Variants in CBR1 observed in about 807,000 individuals in gnomAD.
The protein encoded by CBR1 is carbonyl reductase 1, also known as carbonyl reductase [NADPH] 1.
Under a neutral mutation model 10.6 loss-of-function variants are expected in CBR1, and 11 were observed. The ratio of observed to expected loss-of-function variants is 1.03; its 90% confidence interval spans 0.65 to 1.71. The LOEUF is 1.71. Ranked by LOEUF, CBR1 falls within the 40% of genes most tolerant of loss-of-function variation. The pLI is 0.00. For synonymous variants in CBR1, 158 were observed against 156.7 expected (o/e 1.01, Z -0.06); for missense variants, 361 against 368.6 (o/e 0.98, Z 0.17).
Position 36,071,887 on chromosome 21 carries a change from G to T in CBR1, c.398-559G>T, listed in dbSNP as rs922988557. The T allele has an allele frequency of 3.3e-6, 5 of 1,536,054 alleles. No individual in the cohort carries two copies. The African/African-American group carries it at 6.8e-5, about 21-fold the overall frequency. ...GGAGGAAAGTCCAAGCCCTTAGCAT[G>T]GTTCACAGAGATGTCCATAATCTGC... On this transcript the variant is annotated intron_variant, in intron 2 of 2. Coordinates refer to ENST00000290349, the MANE Select transcript of CBR1 (RefSeq NM_001757.4).
In CBR1 at chr21:36,070,449, TG is replaced by T. The variant is rs774277249; in HGVS notation, c.289+49del. ...CCTCCCCGAAGAAGAACCGATGCAC[TG>T]GGGCTCCTGGCGTCTGCGGGGTCCA... On this transcript the variant is annotated intron_variant, in intron 1 of 2. Transcript: ENST00000290349. 4 of 1,530,546 alleles carry T rather than the reference TG, an allele frequency of 2.6e-6. No homozygotes were observed. The South Asian group carries it at 3.8e-5, about 14-fold the overall frequency. 94.8% of individuals were successfully genotyped at this position (1,530,546 alleles called of 1,614,324 possible).
chr21:36,072,524 G>T lies in CBR1; in HGVS notation c.476G>T (p.Arg159Leu), dbSNP rs146559297. The change falls in exon 3 of 3, where the codon CGC (arginine) becomes CTC (leucine). Residue 159 changes from arginine (R) to leucine (L), a missense_variant. Physicochemically the swap from Arg to Leu is moderately radical, Grantham distance 102 (BLOSUM62 -2). Transcript: ENST00000290349. Reference sequence around the variant, plus strand: ...AGCCCAGAGCTGCAGCAGAAGTTCCGCAGTGAGACCATCACTGAGGAGGAG... The same window carrying T: ...AGCCCAGAGCTGCAGCAGAAGTTCCTCAGTGAGACCATCACTGAGGAGGAG... ...SCSPELQQKF[R>L]SETITEEELV... The T allele has an allele frequency of 1.5e-5, 24 of 1,605,372 alleles. No homozygotes were observed. The East Asian group carries it at 5.1e-4, about 34-fold the overall frequency.
intron 2 of CBR1, chr21:36,071,710 G>C (rs764695258): frequency 2.8e-6 from 2 of 722,032 alleles, no homozygotes; most frequent in Non-Finnish European, 4.7e-6. Flanking sequence ...TCCTGAATCC[G>C]TCTCATTGCA....
At chr21:36,072,074 C>T (rs2065355576) in intron 2 of CBR1, 4 of 1,487,674 alleles carry the variant, frequency 2.7e-6, no homozygotes, top group Admixed American at 2.3e-5. Flanking sequence ...TAAGCAGCCA[C>T]TTTTAGAAAA....
Position 36,070,194 on chromosome 21 carries a change from C to T in CBR1, c.79C>T (p.Arg27Trp). The T allele has an allele frequency of 6.2e-7, 1 of 1,605,514 alleles. No individual in the cohort carries two copies. ...IGLAIVRDLC[R>W]LFSGDVVLTA... is the part of the protein sequence containing the mutation. ...CTTGGCCATCGTGCGCGACCTGTGC[C>T]GGCTGTTCTCGGGGGACGTGGTGCT... Residue 27 changes from arginine (R) to tryptophan (W), a missense_variant, in exon 1 of 3, where the codon CGG becomes TGG. Coordinates refer to ENST00000290349, the MANE Select transcript of CBR1 (RefSeq NM_001757.4).
At position 36,072,766 on chromosome 21, in the gene CBR1, G is replaced by T. The variant is rs1203728473; in HGVS notation, c.718G>T (p.Ala240Ser). ...GAGAACTGACATGGCGGGACCCAAG[G>T]CCACCAAGAGCCCAGAAGAAGGTGC... ...WVRTDMAGPK[A>S]TKSPEEGAET... is the part of the protein sequence containing the mutation. Residue 240 changes from alanine (A) to serine (S), a missense_variant, in exon 3 of 3, where the codon GCC becomes TCC. Physicochemically the swap from Ala to Ser is moderately conservative, Grantham distance 99. Transcript: ENST00000290349. The T allele has an allele frequency of 1.2e-6, 2 of 1,613,958 alleles. No individual in the cohort carries two copies. Among genetic ancestry groups the T allele is most frequent in the Non-Finnish European group, 1.7e-6 (2 of 1,180,028 alleles).
intron 1 of CBR1, 32 bp from the exon 2 acceptor site, chr21:36,070,918 G>A (rs753541598): frequency 9.5e-7 from 1 of 1,055,734 alleles, no homozygotes; most frequent in South Asian, 1.2e-5. Context: ...TGGGTACAAT[G>A]TATTAACTAT....
intron 1 of CBR1, 63 bp from the exon 2 acceptor site, chr21:36,070,879 TTAGTATCA>T: frequency 1.1e-6 from 1 of 903,896 alleles, no homozygotes; most frequent in South Asian, 1.7e-5. Context: ...TTTTTTTTTT[TTAGTATCA>T]TTGTATAGAA....
intron 2 of CBR1, chr21:36,071,810 C>T (rs1310086601): frequency 3.9e-6 from 6 of 1,531,914 alleles, no homozygotes; most frequent in Non-Finnish European, 5.2e-6. Context: ...CTTTTCCTTT[C>T]CCAGCATCCT....
rs1305498936 is a variant in CBR1 at position 36,070,358 on chromosome 21, C to G, written c.243C>G (p.Tyr81Ter). The G allele has an allele frequency of 1.9e-6, 3 of 1,612,640 alleles. No homozygotes were observed. In the African/African-American group the frequency reaches 4.0e-5, roughly 22 times the overall value. The change falls in exon 1 of 3, where the codon TAC becomes TAG. Residue 81 changes from tyrosine to a stop codon, truncating the protein, a stop_gained. Transcript: ENST00000290349. LOFTEE classifies it high-confidence loss of function. ...RALRDFLRKE[Y>*]GGLDVLVNNA... ...TGCGCGACTTCCTGCGCAAGGAGTA[C>G]GGGGGCCTGGACGTGCTGGTCAACA...
At chr21:36,071,746 C>A in intron 2 of CBR1, 2 of 1,093,206 alleles carry the variant, frequency 1.8e-6, no homozygotes, top group Admixed American at 2.0e-5. Flanking sequence ...CTCACCTGTC[C>A]CTCTGGACAA....
intron 1 of CBR1, among the ~76,000 whole-genome samples, chr21:36,070,730 C>A (rs1226469587): frequency 2.0e-5 from 3 of 152,060 alleles, no homozygotes; most frequent in Non-Finnish European, 4.4e-5. Context: ...TGTGTGCACC[C>A]TTCATCCTCC....
In CBR1 at chr21:36,070,092, G is replaced by C. The variant is rs1189153448; in HGVS notation, c.-24G>C. The C allele has an allele frequency of 1.4e-6, 2 of 1,479,526 alleles. No homozygotes were observed. The highest frequency in any genetic ancestry group is 9.0e-7 in the Non-Finnish European group (1 of 1,111,158). 91.6% of individuals were successfully genotyped at this position (1,479,526 alleles called of 1,614,324 possible). A position where few individuals can be genotyped will look rare whatever the true frequency, so the allele number is the denominator to read the frequency against. ...TGAGCCAGGTCTGTTCTCCACGCAGGTGTTCCGCGCGCCCCGTTCAGCCAT... is the reference window on the plus strand; with the variant it reads ...TGAGCCAGGTCTGTTCTCCACGCAGCTGTTCCGCGCGCCCCGTTCAGCCAT... On this transcript the variant is annotated 5_prime_UTR_variant, in exon 1 of 3. Coordinates refer to ENST00000290349, the MANE Select transcript of CBR1 (RefSeq NM_001757.4).
Position 36,070,101 on chromosome 21 carries a change from G to A in CBR1, c.-15G>A, listed in dbSNP as rs377645409. 17 of 1,484,518 alleles carry A rather than the reference G, an allele frequency of 1.1e-5. No individual in the cohort carries two copies. In the African/African-American group the frequency reaches 2.1e-4, roughly 18 times the overall value. 92.0% of individuals were successfully genotyped at this position (1,484,518 alleles called of 1,614,324 possible). On this transcript the variant is annotated 5_prime_UTR_variant, in exon 1 of 3. Coordinates refer to ENST00000290349, the MANE Select transcript of CBR1 (RefSeq NM_001757.4). ...TCTGTTCTCCACGCAGGTGTTCCGC[G>A]CGCCCCGTTCAGCCATGTCGTCCGG...
intron 2 of CBR1, chr21:36,071,546 C>A: frequency 1.8e-6 from 1 of 560,282 alleles, no homozygotes; most frequent in Admixed American, 3.2e-5. Flanking sequence ...TGCCTTTCCC[C>A]ACAATCTAAG....
Position 36,070,871 on chromosome 21 carries a change from T to G in CBR1, c.290-79T>G, listed in dbSNP as rs538539031. The G allele has an allele frequency of 0.053, 44,924 of 844,098 alleles. 4,098 individuals are homozygous for G. Among genetic ancestry groups the G allele is most frequent in the South Asian group, 0.062 (3,418 of 54,832 alleles). 52.3% of individuals were successfully genotyped at this position (844,098 alleles called of 1,614,324 possible). The stretch of plus-strand genomic sequence containing the variant: ...GCACTAAGTTTTTTTTTTTTTTTTT[T>G]TTTTTTTTTAGTATCATTGTATAGA... On this transcript the variant is annotated intron_variant, in intron 1 of 2. Transcript: ENST00000290349.
In CBR1 at chr21:36,072,456, G is replaced by A. The variant is rs1187021632; in HGVS notation, c.408G>A (p.Val136=). The A allele has an allele frequency of 3.1e-6, 5 of 1,614,148 alleles. No individual in the cohort carries two copies. The highest frequency in any genetic ancestry group is 3.4e-6 in the Non-Finnish European group (4 of 1,180,016). The change falls in exon 3 of 3, where the codon GTG becomes GTA. Residue 136 remains valine (V), a synonymous_variant. Coordinates refer to ENST00000290349, the MANE Select transcript of CBR1 (RefSeq NM_001757.4). The stretch of plus-strand genomic sequence containing the variant: ...TGTGGTGTATCTTAGGGAGAGTGGT[G>A]AACGTATCTAGCATCATGAGCGTCA... ...LPLIKPQGRV[V]NVSSIMSVRA...
rs5031013 is a variant in CBR1, at chr21:36,072,714, C to T, written c.666C>T (p.Leu222=). 2.5e-6 allele frequency: 4 copies of T among 1,614,044 alleles called. No homozygotes were observed. The African/African-American group carries it at 5.3e-5, about 22-fold the overall frequency. The part of the protein sequence containing the change: ...LSEQRKGDKI[L]LNACCPGWVR... Reference sequence around the variant, plus strand: ...AGCAGAGGAAAGGGGACAAGATCCTCCTGAATGCCTGCTGCCCAGGGTGGG... The same window carrying T: ...AGCAGAGGAAAGGGGACAAGATCCTTCTGAATGCCTGCTGCCCAGGGTGGG... Residue 222 remains leucine, a synonymous_variant, in exon 3 of 3, where the codon CTC becomes CTT. Transcript: ENST00000290349.
At chr21:36,071,559 A>C (rs1388390527) in intron 2 of CBR1, 2 of 564,690 alleles carry the variant, frequency 3.5e-6, no homozygotes, top group Non-Finnish European at 6.3e-6. Flanking sequence ...AATCTAAGAT[A>C]TTTCCAGAGG....
Sources: gnomAD v4.1 joint callset for allele counts (sites outside exome capture counted in the v4.1 genomes callset) on GRCh38, gnomAD v4.1.1 for gene constraint, MANE v1.5 for transcripts, NCBI Gene and HGNC (gene_info 2026-07-23, HGNC 2026-07-21) for gene names.